The following RPL8 variants were observed in gnomAD, a reference collection of about 807,000 sequenced individuals.
RPL8 encodes large ribosomal subunit protein uL2.
For synonymous variants in RPL8, 182 were observed against 143.2 expected (o/e 1.27, Z -1.94); for missense variants, 248 against 365.9 (o/e 0.68, Z 2.63).
intron 4 of RPL8, 76 bp downstream of exon 4, chr8:144,790,279 G>C (rs1390468396): frequency 8.1e-7 from 1 of 1,237,326 alleles, no homozygotes; most frequent in African/African-American, 1.5e-5. Context: ...AGGGACACCT[G>C]TGGATGGGAC....
chr8:144,790,482 C>T lies in RPL8; in HGVS notation c.500-12G>A, dbSNP rs1826465820. The T allele has an allele frequency of 1.2e-6, 2 of 1,602,714 alleles. No individual in the cohort carries two copies. Among genetic ancestry groups the T allele is most frequent in the Non-Finnish European group, 1.7e-6 (2 of 1,172,456 alleles). On this transcript the variant is annotated splice_polypyrimidine_tract_variant and intron_variant, in intron 3 of 4. Coordinates refer to ENST00000528957, the MANE Select transcript of RPL8 (RefSeq NM_001317782.2). ...TCCAGCCACCACACCTGTAGGGGAT[C>T]AGATACCTCAGGGAACCCCCAGTCG...
At chr8:144,791,650 C>G in intron 2 of RPL8, 123 bp downstream of exon 2, 12 of 1,530,264 alleles carry the variant, frequency 7.8e-6, no homozygotes, top group Non-Finnish European at 1.1e-5. Context: ...GGTCTGGCCA[C>G]GCGGATGTCC....
chr8:144,792,094 G>T lies in RPL8; in HGVS notation c.36C>A (p.Ala12=), dbSNP rs933013196. The T allele has an allele frequency of 6.3e-7, 1 of 1,595,296 alleles. No individual in the cohort carries two copies. Among genetic ancestry groups the T allele is most frequent in the South Asian group, 1.1e-5 (1 of 89,952 alleles). The change falls in exon 1 of 5, where the codon GCC becomes GCA. Residue 12 remains alanine (A), a synonymous_variant. Transcript: ENST00000528957. ...GRVIRGQRKG[A]GSVFRAHVKH... ...TCACGTGCGCGCGGAACACAGACCC[G>T]GCGCCCTTCCTCTGTCCACGGATCA...
chr8:144,791,713 C>G (rs568961788), intron 2 of RPL8, 60 bp downstream of exon 2: 1 of 1,608,622 alleles, frequency 6.2e-7, no homozygotes, highest in Non-Finnish European at 8.5e-7. Flanking sequence ...GACGTTAACT[C>G]CTCAGGCAAC....
intron 4 of RPL8, 97 bp from the exon 5 acceptor site, chr8:144,790,059 C>A (rs1160390144): frequency 3.9e-5 from 55 of 1,406,664 alleles, no homozygotes; most frequent in Non-Finnish European, 5.0e-5. Flanking sequence ...TCCGCGAAGC[C>A]CCTCTCCACA....
chr8:144,790,914 C>T, intron 3 of RPL8: 1 of 467,938 alleles, frequency 2.1e-6, no homozygotes, highest in Non-Finnish European at 4.1e-6. Context: ...AGACTCAAAT[C>T]CTTTTTCACT....
At chr8:144,790,556 A>G (rs1403753120) in intron 3 of RPL8, 86 bp from the exon 4 acceptor site, 13 of 1,031,650 alleles carry the variant, frequency 1.3e-5, no homozygotes, top group Non-Finnish European at 1.5e-6. Flanking sequence ...CACCTTCCCA[A>G]TACTGCATCC....
intron 2 of RPL8, 127 bp downstream of exon 2, chr8:144,791,646 G>C (rs1015751710): frequency 1.3e-6 from 2 of 1,523,624 alleles, no homozygotes; most frequent in African/African-American, 1.4e-5. Flanking sequence ...CACTGGTCTG[G>C]CCACGCGGAT....
At chr8:144,790,257 TC>T in intron 4 of RPL8, 97 bp downstream of exon 4, 1 of 1,014,406 alleles carries the variant, frequency 9.9e-7, no homozygotes, top group African/African-American at 1.6e-5. Context: ...CCACCGTAGA[TC>T]CCCCTCCTGC....
intron 3 of RPL8, chr8:144,791,020 C>T: frequency 1.8e-6 from 1 of 544,610 alleles, no homozygotes. Context: ...ATCAGGAAGC[C>T]CACGGTAGAA....
Position 144,792,242 on chromosome 8 carries a change from T to TA in RPL8, c.-114dup, listed in dbSNP as rs974586077. The TA allele has an allele frequency of 1.5e-6, 2 of 1,331,204 alleles. No homozygotes were observed. Among genetic ancestry groups the TA allele is most frequent in the African/African-American group, 3.1e-5 (2 of 64,206 alleles). 82.5% of individuals were successfully genotyped at this position (1,331,204 alleles called of 1,614,324 possible). ...CGAGGCCGCCGCGCCCACCACTCCCTACCCTCTCCGCGGGCGCCCGCACCG... is the reference window on the plus strand; with the variant it reads ...CGAGGCCGCCGCGCCCACCACTCCCTAACCCTCTCCGCGGGCGCCCGCACCG... On this transcript the variant is annotated 5_prime_UTR_variant, in exon 1 of 5. An upstream open reading frame in the 5' UTR loses its in-frame stop. Coordinates refer to ENST00000528957, the MANE Select transcript of RPL8 (RefSeq NM_001317782.2).
At position 144,792,109 on chromosome 8, in the gene RPL8, T is replaced by C; in HGVS notation, c.21A>G (p.Gly7=). MGRVIR[G]QRKGAGSVFR... ...ACACAGACCCGGCGCCCTTCCTCTG[T>C]CCACGGATCACACGGCCCATGGCGA... The change falls in exon 1 of 5, where the codon GGA becomes GGG. Residue 7 remains glycine, a synonymous_variant. Coordinates refer to ENST00000528957, the MANE Select transcript of RPL8 (RefSeq NM_001317782.2). The C allele has an allele frequency of 6.4e-7, 1 of 1,572,730 alleles. No individual in the cohort carries two copies. Among genetic ancestry groups the C allele is most frequent in the Non-Finnish European group, 8.6e-7 (1 of 1,162,634 alleles).
chr8:144,790,571 A>G, intron 3 of RPL8, 101 bp from the exon 4 acceptor site: 1 of 924,044 alleles, frequency 1.1e-6, no homozygotes, highest in Non-Finnish European at 1.8e-6. Flanking sequence ...GCATCCAACT[A>G]CCCAGCAAAA....
Position 144,792,291 on chromosome 8 carries a change from CG to C in RPL8, c.-163del. 9.5e-7 allele frequency: 1 copy of C among 1,052,794 alleles called. No homozygotes were observed. Among genetic ancestry groups the C allele is most frequent in the Non-Finnish European group, 1.3e-6 (1 of 794,924 alleles). The allele number at this position is 1,052,794 out of a possible 1,614,324, so 65.2% of individuals were successfully genotyped here. A position where few individuals can be genotyped will look rare whatever the true frequency, so the allele number is the denominator to read the frequency against. ...CGGCATCCTCTCAGGAGGGCCGGTC[CG>C]GGTCTCAGCGCGCCTCACGGAAGAG... On this transcript the variant is annotated 5_prime_UTR_variant, in exon 1 of 5. Transcript: ENST00000528957.
intron 3 of RPL8, 39 bp downstream of exon 3, chr8:144,791,238 C>CGAA (rs1826501398): frequency 3.8e-6 from 6 of 1,591,024 alleles, no homozygotes; most frequent in Non-Finnish European, 4.3e-6. Context: ...AGCATGTTCA[C>CGAA]CCACAGCCCT....
chr8:144,791,451 C>G lies in RPL8; in HGVS notation c.325G>C (p.Glu109Gln). 2 of 1,613,954 alleles carry G rather than the reference C, an allele frequency of 1.2e-6. No individual in the cohort carries two copies. The highest frequency in any genetic ancestry group is 1.7e-6 in the Non-Finnish European group (2 of 1,180,036). Residue 109 changes from glutamate (E) to glutamine (Q), a missense_variant, in exon 3 of 5, where the codon GAG (glutamate) becomes CAG (glutamine). Transcript: ENST00000528957. ...GNVLPVGTMP[E>Q]GTIVCCLEEK... ...TCCAGGCAGCACACGATTGTACCCTCAGGCATGGTGCCCACAGGGAGCACA... is the reference window on the plus strand; with the variant it reads ...TCCAGGCAGCACACGATTGTACCCTGAGGCATGGTGCCCACAGGGAGCACA...
At chr8:144,791,554 GC>G (rs1177308432) in intron 2 of RPL8, 59 bp from the exon 3 acceptor site, 13 of 1,562,460 alleles carry the variant, frequency 8.3e-6, no homozygotes, top group Non-Finnish European at 9.6e-6. Context: ...GAACCCCCTC[GC>G]TCTAGGCAAC....
intron 3 of RPL8, 121 bp downstream of exon 3, chr8:144,791,156 C>G: frequency 1.0e-6 from 1 of 976,210 alleles, no homozygotes. Context: ...CTTACAGAAC[C>G]CAAGTTTTAG....
In RPL8 at chr8:144,792,016, G is replaced by A. The variant is rs201586885; in HGVS notation, c.114C>T (p.His38=). Residue 38 remains histidine, a synonymous_variant, in exon 1 of 5, where the codon CAC becomes CAT. Coordinates refer to ENST00000528957, the MANE Select transcript of RPL8 (RefSeq NM_001317782.2). ...RLRAVDFAER[H]GYIKGIVKDI... The stretch of plus-strand genomic sequence containing the variant: ...CCTTGACGATGCCCTTGATGTAGCC[G>A]TGCCGCTCAGCGAAATCCACGGCGC... 2.0e-4 allele frequency: 316 copies of A among 1,608,870 alleles called. No homozygotes were observed. The highest frequency in any genetic ancestry group is 2.2e-4 in the Non-Finnish European group (261 of 1,177,990).
Sources: allele counts gnomAD v4.1 joint callset, GRCh38; gene constraint gnomAD v4.1.1; transcripts MANE v1.5; gene names NCBI Gene and HGNC (gene_info 2026-07-23, HGNC 2026-07-21).